ACTN4: variants seen among roughly 807,000 people sequenced by gnomAD.
ACTN4 encodes the protein actinin alpha 4, also known as alpha-actinin-4.
A neutral mutation model predicts 114.2 loss-of-function variants in ACTN4; 18 were observed. That is an observed-to-expected ratio of 0.16 (90% CI 0.11 to 0.23). The LOEUF (loss-of-function observed/expected upper bound fraction) is 0.23. ACTN4 is among the 10% of genes least tolerant of loss of function. ACTN4 has a pLI of 1.00. For missense variants in ACTN4, 722 were observed against 1,262.9 expected, an observed-to-expected ratio of 0.57 and a Z score of 6.49; for synonymous variants, 515 against 506.3, an observed-to-expected ratio of 1.02 and a Z score of -0.23.
At chr19:38,671,417 A>G (rs1967124604) in intron 1 of ACTN4, among the ~76,000 whole-genome samples, 1 of 152,206 alleles carries the variant, frequency 6.6e-6, no homozygotes, top group Non-Finnish European at 1.5e-5. Flanking sequence ...CTATTAATAA[A>G]TGAACTGCCA....
chr19:38,720,249 T>G (rs1029916661), intron 11 of ACTN4, among the ~76,000 whole-genome samples: 3 of 152,156 alleles, frequency 2.0e-5, no homozygotes, highest in Admixed American at 6.5e-5. Context: ...TTCCTGGGAA[T>G]ACGACCAACC....
chr19:38,685,240 G>T (rs1192988046), intron 1 of ACTN4, among the ~76,000 whole-genome samples: 1 of 152,070 alleles, frequency 6.6e-6, no homozygotes, highest in Non-Finnish European at 1.5e-5. Context: ...CACCGTGCTT[G>T]GCCAACCCAC....
intron 1 of ACTN4, among the ~76,000 whole-genome samples, chr19:38,650,976 G>T (rs1442662482): frequency 1.3e-5 from 2 of 152,058 alleles, no homozygotes; most frequent in Non-Finnish European, 2.9e-5. Flanking sequence ...CAGGAGATCC[G>T]CCCGCCTCGG....
intron 1 of ACTN4, among the ~76,000 whole-genome samples, chr19:38,677,891 T>G (rs1432521309): frequency 6.6e-6 from 1 of 152,166 alleles, no homozygotes; most frequent in African/African-American, 2.4e-5. Flanking sequence ...CATACCCGGC[T>G]AATTTTTGTA....
intron 1 of ACTN4, among the ~76,000 whole-genome samples, chr19:38,662,318 A>G (rs1976912710): frequency 6.6e-6 from 1 of 152,212 alleles, no homozygotes; most frequent in Non-Finnish European, 1.5e-5. Flanking sequence ...CCCAGCAAGA[A>G]GTTACCTTCA....
chr19:38,661,159 C>T (rs988934417), intron 1 of ACTN4, among the ~76,000 whole-genome samples: 1 of 152,154 alleles, frequency 6.6e-6, no homozygotes, highest in Non-Finnish European at 1.5e-5. Context: ...ATTCAACTTG[C>T]GCCTGCAAAC....
chr19:38,670,174 A>C (rs1967085830), intron 1 of ACTN4, among the ~76,000 whole-genome samples: 1 of 152,176 alleles, frequency 6.6e-6, no homozygotes, highest in East Asian at 1.9e-4. Flanking sequence ...TAGGTCCTCT[A>C]GGAAACTTGG....
chr19:38,679,547 G>C (rs1311854821), intron 1 of ACTN4, among the ~76,000 whole-genome samples: 1 of 149,862 alleles, frequency 6.7e-6, no homozygotes, highest in East Asian at 2.0e-4. Context: ...ACCCATACGT[G>C]CTCAAATAGA....
chr19:38,700,339 C>T (rs1020483614), intron 1 of ACTN4, among the ~76,000 whole-genome samples: 1 of 152,180 alleles, frequency 6.6e-6, no homozygotes, highest in African/African-American at 2.4e-5. Flanking sequence ...GGGTTCAAAT[C>T]CAAGCTCTGC....
intron 12 of ACTN4, 126 bp from the exon 13 acceptor site, chr19:38,723,488 G>A (rs1016918001): frequency 4.0e-6 from 3 of 743,344 alleles, no homozygotes; most frequent in African/African-American, 1.7e-5. Flanking sequence ...ATTAGTGATT[G>A]GTTGCTGATA....
In ACTN4 at chr19:38,728,988, C is replaced by T. The variant is rs756863721; in HGVS notation, c.2419-8C>T. On this transcript the variant is annotated splice_polypyrimidine_tract_variant and splice_region_variant and intron_variant, in intron 19 of 20. Transcript: ENST00000252699. The stretch of plus-strand genomic sequence containing the variant: ...TCGGGTGTCCCCCACCCCACCCTCT[C>T]CTTGCAGGGTGAGGCCGAGTTCAAC... 9 of 1,612,672 alleles carry T rather than the reference C, an allele frequency of 5.6e-6. No homozygotes were observed. The highest frequency in any genetic ancestry group is 1.3e-5 in the African/African-American group (1 of 74,924).
chr19:38,727,434 A>G lies in ACTN4; in HGVS notation c.2337+331A>G, dbSNP rs1969274107. On this transcript the variant is annotated intron_variant, in intron 18 of 20. Coordinates refer to ENST00000252699, the MANE Select transcript of ACTN4 (RefSeq NM_004924.6). This position sits in a 1 kb window ranked among gnomAD's most constrained non-coding sequence, Gnocchi z 5.4. The stretch of plus-strand genomic sequence containing the variant: ...GAACCTGGACACAGACACCCCGCAC[A>G]GTGCTTTTAGAATTCAGATTTGGTC... Among the ~76,000 whole-genome samples the G allele has an allele frequency of 6.6e-6, 1 of 152,206 alleles. No homozygotes were observed. The highest frequency in any genetic ancestry group is 1.9e-4 in the East Asian group (1 of 5,172).
chr19:38,717,432 T>C lies in ACTN4; in HGVS notation c.1143+116T>C. On this transcript the variant is annotated intron_variant, in intron 10 of 20. Transcript: ENST00000252699. The surrounding 1 kb of genome is among the most constrained non-coding windows in gnomAD (Gnocchi z 4.0). The stretch of plus-strand genomic sequence containing the variant: ...TAAGTTGTTGATGTCCTGTGGGACA[T>C]GGCATGGCCTTTCGGATGCAGTGGT... 7.2e-7 allele frequency: 1 copy of C among 1,379,432 alleles called. No homozygotes were observed. The highest frequency in any genetic ancestry group is 2.5e-5 in the East Asian group (1 of 39,890). The allele number at this position is 1,379,432 out of a possible 1,614,324, so 85.4% of individuals were successfully genotyped here. A position where few individuals can be genotyped will look rare whatever the true frequency, so the allele number is the denominator to read the frequency against.
intron 3 of ACTN4, among the ~76,000 whole-genome samples, chr19:38,703,232 A>C (rs1599824209): frequency 7.3e-6 from 1 of 137,036 alleles, no homozygotes. Flanking sequence ...GAGAAGTTTC[A>C]GCAATTTTTT....
chr19:38,668,486 G>A (rs971146020), intron 1 of ACTN4, among the ~76,000 whole-genome samples: 5 of 152,168 alleles, frequency 3.3e-5, no homozygotes, highest in African/African-American at 1.2e-4. Flanking sequence ...GGGAGTTTGA[G>A]ACCATCCTGG....
At chr19:38,648,101 GA>G in intron 1 of ACTN4, 194 bp downstream of exon 1, 2 of 595,242 alleles carry the variant, frequency 3.4e-6, no homozygotes, top group Non-Finnish European at 5.2e-6. Flanking sequence ...TTGGGAATCT[GA>G]AAAGAGAATT....
At position 38,730,924 on chromosome 19, in the gene ACTN4, G is replaced by A; in HGVS notation, c.*1492G>A. 1.3e-6 allele frequency: 2 copies of A among 1,550,530 alleles called. No homozygotes were observed. Among genetic ancestry groups the A allele is most frequent in the Non-Finnish European group, 1.7e-6 (2 of 1,147,030 alleles). On this transcript the variant is annotated 3_prime_UTR_variant, in exon 21 of 21. Coordinates refer to ENST00000252699, the MANE Select transcript of ACTN4 (RefSeq NM_004924.6). ...AGTGGCTTGAGGCAGGGAGCTCGCA[G>A]GACAGAGCCTGAGCCACCCTGTCCC...
At chr19:38,673,565 A>G (rs1466030635) in intron 1 of ACTN4, among the ~76,000 whole-genome samples, 3 of 92,046 alleles carry the variant, frequency 3.3e-5, no homozygotes, top group Non-Finnish European at 6.9e-5. Context: ...ACTTATATAT[A>G]TTTATATATA....
chr19:38,709,500 C>T (rs749414417), intron 7 of ACTN4, 24 bp downstream of exon 7: 29 of 1,597,444 alleles, frequency 1.8e-5, no homozygotes, highest in Non-Finnish European at 2.4e-5. Context: ...TCTGTTCAGC[C>T]ACCACTGTGC....
Sources: allele counts gnomAD v4.1 joint callset (sites outside exome capture counted in the v4.1 genomes callset), GRCh38; gene constraint gnomAD v4.1.1; non-coding constraint Gnocchi (gnomAD v3.1); transcripts MANE v1.5; gene names NCBI Gene and HGNC (gene_info 2026-07-23, HGNC 2026-07-21).